The following OTUD7A variants were observed in gnomAD, a reference collection of about 807,000 sequenced individuals.
OTUD7A encodes the protein OTU domain-containing protein 7A.
Under a neutral mutation model 65.7 loss-of-function variants are expected in OTUD7A, and 12 were observed. The ratio of observed to expected loss-of-function variants is 0.18; its 90% CI spans 0.12 to 0.30. The LOEUF (loss-of-function observed/expected upper bound fraction) is 0.30. OTUD7A is among the 10% of genes least tolerant of loss of function. The pLI, the probability that OTUD7A is intolerant of heterozygous loss-of-function variation, is 1.00. For missense variants in OTUD7A, 1,148 were observed against 1,304.8 expected, an observed-to-expected ratio of 0.88 and a Z score of 1.85; for synonymous variants, 641 against 586.3, an observed-to-expected ratio of 1.09 and a Z score of -1.35.
chr15:31,594,786 CAGG>C (rs1273292392), intron 3 of OTUD7A, among the ~76,000 whole-genome samples: 1 of 152,184 alleles, frequency 6.6e-6, no homozygotes, highest in South Asian at 2.1e-4. Flanking sequence ...GCTGGGTACC[CAGG>C]AGAAGCAGAT....
Position 31,480,866 on chromosome 15 carries a change from G to A in OTUD7A, c.*2428C>T, listed in dbSNP as rs1469638500. On this transcript the variant is annotated 3_prime_UTR_variant, in exon 13 of 13. Transcript: ENST00000307050. ...GCGTCTGGCGCCTCGTTACCACATTGAGAAGCTGGGGTGCAGGATGCAGCC... is the reference window on the plus strand; with the variant it reads ...GCGTCTGGCGCCTCGTTACCACATTAAGAAGCTGGGGTGCAGGATGCAGCC... 6.6e-6 allele frequency: 1 copy of A among 152,248 alleles called. No homozygotes were observed. The highest frequency in any genetic ancestry group is 1.5e-5 in the Non-Finnish European group (1 of 68,046). 9.4% of individuals were successfully genotyped at this position (152,248 alleles called of 1,614,324 possible).
intron 1 of OTUD7A, chr15:31,766,105 C>T: frequency 1.4e-6 from 2 of 1,442,320 alleles, no homozygotes; most frequent in Non-Finnish European, 1.9e-6. Context: ...TGTTTTTCCA[C>T]TGCAGTCTGC....
rs1411463312 is a variant in OTUD7A, at chr15:31,479,621, A to C, written c.*3673T>G. On this transcript the variant is annotated 3_prime_UTR_variant, in exon 13 of 13. Coordinates refer to ENST00000307050, the MANE Select transcript of OTUD7A (RefSeq NM_001382637.1). ...AAGTATATTTTAAGTTTATTTTTGCAAAGTAGAATAGTTCGCAAAATAAGT... is the reference window on the plus strand; with the variant it reads ...AAGTATATTTTAAGTTTATTTTTGCCAAGTAGAATAGTTCGCAAAATAAGT... 1 of 147,998 alleles carries C rather than the reference A, an allele frequency of 6.8e-6. No individual in the cohort carries two copies. The highest frequency in any genetic ancestry group is 1.5e-5 in the Non-Finnish European group (1 of 67,260). The allele number at this position is 147,998 out of a possible 1,614,324, so 9.2% of individuals were successfully genotyped here.
chr15:31,486,778 C>T lies in OTUD7A; in HGVS notation c.1371+416G>A, dbSNP rs961034719. ...GACCCACACGGTTTGTAATTAATTCCGCTCTGCGGCAGCACATTGTGTTCT... is the reference window on the plus strand; with the variant it reads ...GACCCACACGGTTTGTAATTAATTCTGCTCTGCGGCAGCACATTGTGTTCT... On this transcript the variant is annotated intron_variant, in intron 12 of 12. Coordinates refer to ENST00000307050, the MANE Select transcript of OTUD7A (RefSeq NM_001382637.1). Among the ~76,000 whole-genome samples the T allele has an allele frequency of 9.2e-5, 14 of 152,266 alleles. 1 individual carries two copies. The highest frequency in any genetic ancestry group is 4.6e-4 in the Admixed American group (7 of 15,288).
intron 5 of OTUD7A, among the ~76,000 whole-genome samples, chr15:31,543,762 T>C (rs1035656856): frequency 1.3e-5 from 2 of 151,852 alleles, no homozygotes; most frequent in African/African-American, 4.8e-5. Flanking sequence ...TAAAAATCCA[T>C]AGGAATAAAA....
chr15:31,652,158 AC>A (rs746231338), intron 3 of OTUD7A, among the ~76,000 whole-genome samples: 1 of 152,240 alleles, frequency 6.6e-6, no homozygotes, highest in Non-Finnish European at 1.5e-5. Context: ...ATGGAACAGA[AC>A]CACTGTCCAG....
chr15:31,585,325 A>G (rs1889496675), intron 3 of OTUD7A, among the ~76,000 whole-genome samples: 1 of 152,238 alleles, frequency 6.6e-6, no homozygotes, highest in African/African-American at 2.4e-5. Context: ...ACAAACATTC[A>G]TGCGAGGCGT....
chr15:31,495,958 C>T (rs1000080045), intron 10 of OTUD7A, among the ~76,000 whole-genome samples: 1 of 149,724 alleles, frequency 6.7e-6, no homozygotes, highest in African/African-American at 2.5e-5. Context: ...CCCACCTACT[C>T]GGGAGGCTGA....
At chr15:31,629,222 T>A (rs1025977931) in intron 3 of OTUD7A, among the ~76,000 whole-genome samples, 1 of 152,190 alleles carries the variant, frequency 6.6e-6, no homozygotes, top group African/African-American at 2.4e-5. Context: ...TGATATTGGC[T>A]GTGGGTTTGT....
intron 1 of OTUD7A, chr15:31,787,619 C>G (rs1338775873): frequency 6.6e-6 from 1 of 152,148 alleles, no homozygotes; most frequent in African/African-American, 2.4e-5. Flanking sequence ...CTGAGAAAGA[C>G]TTTGAATGTG....
At chr15:31,818,083 C>G (rs984161301) in intron 1 of OTUD7A, among the ~76,000 whole-genome samples, 1 of 152,184 alleles carries the variant, frequency 6.6e-6, no homozygotes, top group African/African-American at 2.4e-5. Flanking sequence ...AGCAACAAGG[C>G]ACCATCTATG....
chr15:31,537,426 A>G (rs1167329599), intron 5 of OTUD7A, among the ~76,000 whole-genome samples: 1 of 152,236 alleles, frequency 6.6e-6, no homozygotes, highest in Non-Finnish European at 1.5e-5. Flanking sequence ...TAATGCTTAC[A>G]CTAACAAATT....
At chr15:31,847,079 G>A (rs980635570) in intron 1 of OTUD7A, among the ~76,000 whole-genome samples, 10 of 152,230 alleles carry the variant, frequency 6.6e-5, no homozygotes, top group African/African-American at 2.4e-4. Flanking sequence ...CCGCAGGCCT[G>A]CCGTAGCCTG....
intron 3 of OTUD7A, among the ~76,000 whole-genome samples, chr15:31,602,838 C>A (rs888833871): frequency 1.3e-5 from 2 of 152,118 alleles, no homozygotes; most frequent in African/African-American, 4.8e-5. Context: ...AACTCCCATT[C>A]ACAATTGCTA....
At chr15:31,784,748 A>G (rs567959511) in intron 1 of OTUD7A, among the ~76,000 whole-genome samples, 1 of 152,336 alleles carries the variant, frequency 6.6e-6, no homozygotes, top group East Asian at 1.9e-4. Flanking sequence ...AGGGCATTCC[A>G]AAAGCAGCGG....
In OTUD7A at chr15:31,483,803, C is replaced by G. The variant is rs1160124504; in HGVS notation, c.2293G>C (p.Val765Leu). 7 of 1,015,086 alleles carry G rather than the reference C, an allele frequency of 6.9e-6. No individual in the cohort carries two copies. The highest frequency in any genetic ancestry group is 9.7e-5 in the East Asian group (1 of 10,360). 62.9% of individuals were successfully genotyped at this position (1,015,086 alleles called of 1,614,324 possible). A position where few individuals can be genotyped will look rare whatever the true frequency, so the allele number is the denominator to read the frequency against. Residue 765 changes from valine to leucine, a missense_variant, in exon 13 of 13, where the codon GTG (valine) becomes CTG (leucine). Coordinates refer to ENST00000307050, the MANE Select transcript of OTUD7A (RefSeq NM_001382637.1). ...GARRASASGPVPGRSPPAPAR... is the reference protein window; with the variant it reads ...GARRASASGPLPGRSPPAPAR... ...GGCGCCGGGGGGCTGCGGCCAGGCA[C>G]TGGTCCGCTGGCGCTCGCACGCCGC...
intron 1 of OTUD7A, among the ~76,000 whole-genome samples, chr15:31,772,251 CAAA>C (rs34676002): frequency 1.2e-4 from 10 of 80,676 alleles, no homozygotes; most frequent in African/African-American, 1.5e-4. Flanking sequence ...GACTCCGTCT[CAAA>C]AAAAAAAAAA....
At chr15:31,722,344 T>C (rs1309335119) in intron 1 of OTUD7A, among the ~76,000 whole-genome samples, 1 of 152,202 alleles carries the variant, frequency 6.6e-6, no homozygotes, top group Non-Finnish European at 1.5e-5. Flanking sequence ...CACAGGTATA[T>C]ATTCTATGGC....
chr15:31,860,644 T>TATATATATATATATATATATATATATAC (rs1897699787), intron 1 of OTUD7A, among the ~76,000 whole-genome samples: 1 of 115,728 alleles, frequency 8.6e-6, no homozygotes, highest in Non-Finnish European at 1.9e-5. Flanking sequence ...TATATATATA[T>TATATATATATATATATATATATATATAC]GTATGTATGT....
Sources: gnomAD v4.1 joint callset for allele counts (sites outside exome capture counted in the v4.1 genomes callset) on GRCh38, gnomAD v4.1.1 for gene constraint, MANE v1.5 for transcripts, NCBI Gene and HGNC (gene_info 2026-07-23, HGNC 2026-07-21) for gene names.